SPMIP11: variants seen among roughly 807,000 people sequenced by gnomAD.
SPMIP11 encodes long intergenic non-protein coding RNA 935.
the SPMIP11 span, among the ~76,000 whole-genome samples, chr12:48,743,535 G>A: frequency 1.3e-5 from 2 of 152,144 alleles, no homozygotes; most frequent in African/African-American, 4.8e-5. Context: ...GGCTGGCCAT[G>A]GTGGCTCACA....
the SPMIP11 span, among the ~76,000 whole-genome samples, chr12:48,737,744 C>A: frequency 5.9e-5 from 9 of 151,384 alleles, no homozygotes; most frequent in African/African-American, 2.2e-4. Context: ...TTCCTTTATT[C>A]TTTTTCAAAC....
At chr12:48,737,886 G>A in the SPMIP11 span, among the ~76,000 whole-genome samples, 2 of 152,034 alleles carry the variant, frequency 1.3e-5, no homozygotes, top group East Asian at 1.9e-4. Context: ...GCAGTGGAAC[G>A]ATCATGGCTC....
At chr12:48,767,556 CAA>C in the SPMIP11 span, 64 of 152,862 alleles carry the variant, frequency 4.2e-4, no homozygotes, top group Admixed American at 3.6e-3. Flanking sequence ...CACAGTTACA[CAA>C]ACACACGGGC....
the SPMIP11 span, chr12:48,768,455 G>T: frequency 1.6e-6 from 2 of 1,283,708 alleles, no homozygotes; most frequent in South Asian, 1.3e-5. Flanking sequence ...TCCAAGCACA[G>T]CCTGCTGGGA....
the SPMIP11 span, among the ~76,000 whole-genome samples, chr12:48,769,969 G>T: frequency 6.6e-6 from 1 of 151,702 alleles, no homozygotes; most frequent in Non-Finnish European, 1.5e-5. Flanking sequence ...CACCGTGTTA[G>T]TCAGGATGGT....
chr12:48,762,044 ATTCT>A, the SPMIP11 span, among the ~76,000 whole-genome samples: 3 of 118,624 alleles, frequency 2.5e-5, no homozygotes, highest in Admixed American at 9.4e-5. Context: ...CTCTTATAAC[ATTCT>A]TTTTTTTTTT....
the SPMIP11 span, among the ~76,000 whole-genome samples, chr12:48,754,769 C>G: frequency 6.7e-6 from 1 of 150,368 alleles, no homozygotes; most frequent in Non-Finnish European, 1.5e-5. Flanking sequence ...TTTTTTGAGG[C>G]AGGGTCTTGC....
chr12:48,745,176 A>G, the SPMIP11 span, among the ~76,000 whole-genome samples: 2 of 149,168 alleles, frequency 1.3e-5, no homozygotes, highest in Non-Finnish European at 3.0e-5. Context: ...GGTTGGGGGG[A>G]TTGAGGTAGG....
the SPMIP11 span, chr12:48,764,770 G>A: frequency 1.5e-6 from 1 of 661,624 alleles, no homozygotes; most frequent in African/African-American, 1.8e-5. Flanking sequence ...GGCTGGGCTG[G>A]GCTATTGCTG....
At chr12:48,728,042 C>T in the SPMIP11 span, among the ~76,000 whole-genome samples, 1 of 102,548 alleles carries the variant, frequency 9.8e-6, no homozygotes. Context: ...CAGAGCGAAA[C>T]CATCTCAAAA....
chr12:48,753,933 C>T, the SPMIP11 span, among the ~76,000 whole-genome samples: 3 of 151,848 alleles, frequency 2.0e-5, no homozygotes, highest in Non-Finnish European at 2.9e-5. Flanking sequence ...GAACTCCTGA[C>T]CTCAAGTGAT....
the SPMIP11 span, among the ~76,000 whole-genome samples, chr12:48,730,798 C>T: frequency 6.6e-6 from 1 of 152,056 alleles, no homozygotes; most frequent in African/African-American, 2.4e-5. Context: ...ATTAGCCAGG[C>T]GTAGTGGCAC....
chr12:48,737,533 G>A, the SPMIP11 span, among the ~76,000 whole-genome samples: 1 of 150,886 alleles, frequency 6.6e-6, no homozygotes, highest in African/African-American at 2.4e-5. Flanking sequence ...TCGTTACTCA[G>A]TCTCCCATGT....
chr12:48,765,752 A>C, the SPMIP11 span: 3,349 of 692,554 alleles, frequency 4.8e-3, 89 homozygotes, highest in East Asian at 0.064. Context: ...TAATGGGAGG[A>C]GGAGATGGAG....
chr12:48,743,695 A>T, the SPMIP11 span, among the ~76,000 whole-genome samples: 4 of 151,958 alleles, frequency 2.6e-5, no homozygotes, highest in African/African-American at 9.7e-5. Flanking sequence ...TAATCCCAGC[A>T]CTTTGGGAGG....
the SPMIP11 span, chr12:48,768,299 GCTT>G: frequency 2.1e-6 from 1 of 484,038 alleles, no homozygotes; most frequent in African/African-American, 2.0e-5. Flanking sequence ...GCCTCCCTCT[GCTT>G]CTGCTACTGA....
chr12:48,738,371 T>C, the SPMIP11 span, among the ~76,000 whole-genome samples: 3 of 146,028 alleles, frequency 2.1e-5, no homozygotes, highest in African/African-American at 8.4e-5. Flanking sequence ...GCTGTAGCCA[T>C]ATAATGGTTG....
chr12:48,768,488 G>A, the SPMIP11 span: 36 of 1,535,472 alleles, frequency 2.3e-5, no homozygotes, highest in Non-Finnish European at 3.1e-5. Context: ...TGGTTAGCAG[G>A]GTCTGGAGGC....
the SPMIP11 span, among the ~76,000 whole-genome samples, chr12:48,758,654 C>T: frequency 1.3e-5 from 2 of 152,186 alleles, no homozygotes; most frequent in Admixed American, 6.5e-5. Flanking sequence ...TAATACACCA[C>T]CTTACCAGCC....
Sources: allele counts gnomAD v4.1 joint callset (sites outside exome capture counted in the v4.1 genomes callset), GRCh38; gene constraint gnomAD v4.1.1; transcripts MANE v1.5; gene names NCBI Gene and HGNC (gene_info 2026-07-23, HGNC 2026-07-21).